The following SEC22B variants were observed in gnomAD, a reference collection of about 807,000 sequenced individuals.
SEC22B encodes vesicle-trafficking protein SEC22b.
A neutral mutation model predicts 31.4 loss-of-function variants in SEC22B; 10 were observed. The ratio of observed to expected loss-of-function variants is 0.32; its 90% CI spans 0.20 to 0.54. The LOEUF (loss-of-function observed/expected upper bound fraction) is 0.54. Among genes scored for constraint, SEC22B ranks in the 20% least tolerant of loss-of-function variants. The pLI, the probability that SEC22B is intolerant of heterozygous loss-of-function variation, is 0.94. For missense variants in SEC22B, 130 were observed against 263.4 expected, an observed-to-expected ratio of 0.49 and a Z score of 3.50; for synonymous variants, 60 against 95.9, an observed-to-expected ratio of 0.63 and a Z score of 2.19.
rs1185106982 is a variant in SEC22B, at chr1:120,151,968, A to G, written c.*5070T>C. 6.7e-6 allele frequency: 1 copy of G among 149,374 alleles called. No homozygotes were observed. The highest frequency in any genetic ancestry group is 1.5e-5 in the Non-Finnish European group (1 of 66,728). The allele number at this position is 149,374 out of a possible 1,614,324, so 9.3% of individuals were successfully genotyped here. A position where few individuals can be genotyped will look rare whatever the true frequency, so the allele number is the denominator to read the frequency against. On this transcript the variant is annotated 3_prime_UTR_variant, in exon 5 of 5. Coordinates refer to ENST00000578049, the MANE Select transcript of SEC22B (RefSeq NM_004892.6). Reference sequence around the variant, plus strand: ...ACGCTTAAATACTAGAAATATAAGAAGCAGCACAGGTTTGGTTTTATCTTT... The same window carrying G: ...ACGCTTAAATACTAGAAATATAAGAGGCAGCACAGGTTTGGTTTTATCTTT...
Position 120,176,449 on chromosome 1 carries a change from G to C in SEC22B, c.-68C>G. On this transcript the variant is annotated 5_prime_UTR_variant, in exon 1 of 5. Coordinates refer to ENST00000578049, the MANE Select transcript of SEC22B (RefSeq NM_004892.6). ...TGGCGCCGTCCTCACTTCCTCCGCC[G>C]CGACAACAGTTATACCCTATGTCTC... 7.2e-7 allele frequency: 1 copy of C among 1,390,696 alleles called. No individual in the cohort carries two copies. 86.1% of individuals were successfully genotyped at this position (1,390,696 alleles called of 1,614,324 possible).
At chr1:120,167,289 A>C (rs1657827763) in intron 2 of SEC22B, among the ~76,000 whole-genome samples, 1 of 151,824 alleles carries the variant, frequency 6.6e-6, no homozygotes, top group African/African-American at 2.4e-5. Flanking sequence ...CAGCCTTTCA[A>C]AACAAGTGTA....
chr1:120,167,847 T>G (rs1294103944), intron 2 of SEC22B, among the ~76,000 whole-genome samples: 1 of 152,264 alleles, frequency 6.6e-6, no homozygotes, highest in East Asian at 1.9e-4. Context: ...GTCTTGGTTC[T>G]CTAAACCATG....
rs1398682441 is a variant in SEC22B, at chr1:120,173,964, TACAA to T, written c.75+2339_75+2342del. Among the ~76,000 whole-genome samples the T allele has an allele frequency of 8.2e-5, 11 of 134,082 alleles. No individual in the cohort carries two copies. The South Asian group carries it at 1.3e-3, about 16-fold the overall frequency. 88.0% of individuals were successfully genotyped at this position (134,082 alleles called of 152,430 possible). The stretch of plus-strand genomic sequence containing the variant: ...ATGTCTAGAAATATTTTTGTCGTCA[TACAA>T]ACAAACAAAGTGGGGAAGGGTAGTG... On this transcript the variant is annotated intron_variant, in intron 1 of 4. Transcript: ENST00000578049.
chr1:120,153,338 T>C lies in SEC22B; in HGVS notation c.*3700A>G, dbSNP rs1266380610. On this transcript the variant is annotated 3_prime_UTR_variant, in exon 5 of 5. Transcript: ENST00000578049. ...TAACTAACCAAAAACCTTAATTGTA[T>C]GGCCATCAGCACCCTAGCCCTTTGT... 6.6e-6 allele frequency: 1 copy of C among 151,596 alleles called. No individual in the cohort carries two copies. Among genetic ancestry groups the C allele is most frequent in the Non-Finnish European group, 1.5e-5 (1 of 67,982 alleles). The allele number at this position is 151,596 out of a possible 1,614,324, so 9.4% of individuals were successfully genotyped here.
Position 120,163,314 on chromosome 1 carries a change from T to C in SEC22B, c.242A>G (p.Lys81Arg). The C allele has an allele frequency of 6.2e-7, 1 of 1,608,706 alleles. No individual in the cohort carries two copies. The highest frequency in any genetic ancestry group is 8.5e-7 in the Non-Finnish European group (1 of 1,176,960). ...TTCTAGGTAGGCAAAAGCCAACTTC[T>C]TAGGGAAGGCAGCTTCACATAAAAC... ...YLVLCEAAFP[K>R]KLAFAYLEDL... Residue 81 changes from lysine to arginine, a missense_variant, in exon 3 of 5, where the codon AAG becomes AGG. Lys to Arg is a conservative substitution (Grantham distance 26). This residue lies in a region of SEC22B where 41 missense variants were observed against 124.9 expected (regional missense o/e 0.33). Coordinates refer to ENST00000578049, the MANE Select transcript of SEC22B (RefSeq NM_004892.6).
In SEC22B at chr1:120,172,268, G is replaced by T. The variant is rs1414107320; in HGVS notation, c.76-3319C>A. 3.7e-4 allele frequency among the ~76,000 whole-genome samples: 35 copies of T among 93,788 alleles called. 3 individuals are homozygous for T. Among genetic ancestry groups the T allele is most frequent in the Non-Finnish European group, 2.9e-4 (15 of 52,508 alleles). The allele number at this position is 93,788 out of a possible 152,430, so 61.5% of individuals were successfully genotyped here. A position where few individuals can be genotyped will look rare whatever the true frequency, so the allele number is the denominator to read the frequency against. Reference sequence around the variant, plus strand: ...AAAAAAAAAAAAGAAAGGCAAGATGGAATTAGAAAAGATTCTTCAGAAATG... The same window carrying T: ...AAAAAAAAAAAAGAAAGGCAAGATGTAATTAGAAAAGATTCTTCAGAAATG... On this transcript the variant is annotated intron_variant, in intron 1 of 4. Coordinates refer to ENST00000578049, the MANE Select transcript of SEC22B (RefSeq NM_004892.6).
intron 1 of SEC22B, among the ~76,000 whole-genome samples, chr1:120,175,799 C>G (rs1657950726): frequency 6.6e-6 from 1 of 152,232 alleles, no homozygotes; most frequent in South Asian, 2.1e-4. Context: ...AAGGTGGGAA[C>G]TGGGGATAAT....
intron 2 of SEC22B, among the ~76,000 whole-genome samples, chr1:120,165,614 T>C (rs1285881503): frequency 1.3e-5 from 2 of 152,098 alleles, no homozygotes; most frequent in Non-Finnish European, 2.9e-5. Context: ...AGTAGGAGTT[T>C]GCAAATATTT....
At chr1:120,170,520 A>G (rs1657879111) in intron 1 of SEC22B, among the ~76,000 whole-genome samples, 1 of 151,556 alleles carries the variant, frequency 6.6e-6, no homozygotes, top group Non-Finnish European at 1.5e-5. Flanking sequence ...TAAGAATAAG[A>G]AGGTGAATAA....
At chr1:120,164,075 T>G (rs1411051165) in intron 2 of SEC22B, among the ~76,000 whole-genome samples, 1 of 139,490 alleles carries the variant, frequency 7.2e-6, no homozygotes, top group Non-Finnish European at 1.5e-5. Context: ...TTCTCACACC[T>G]CAGCTTCACA....
chr1:120,156,076 G>A lies in SEC22B; in HGVS notation c.*962C>T, dbSNP rs1657623343. On this transcript the variant is annotated 3_prime_UTR_variant, in exon 5 of 5. Coordinates refer to ENST00000578049, the MANE Select transcript of SEC22B (RefSeq NM_004892.6). ...TCCTAAGAGGATGTCTACAGGATAT[G>A]AAACTACTGGGTGCAGGAAAATTTT... 1 of 152,168 alleles carries A rather than the reference G, an allele frequency of 6.6e-6. No individual in the cohort carries two copies. The highest frequency in any genetic ancestry group is 1.9e-4 in the East Asian group (1 of 5,194). The allele number at this position is 152,168 out of a possible 1,614,324, so 9.4% of individuals were successfully genotyped here. A position where few individuals can be genotyped will look rare whatever the true frequency, so the allele number is the denominator to read the frequency against.
At chr1:120,170,932 C>A (rs1211796622) in intron 1 of SEC22B, among the ~76,000 whole-genome samples, 2 of 129,010 alleles carry the variant, frequency 1.6e-5, no homozygotes, top group East Asian at 2.1e-4. Flanking sequence ...AAAAAGCATG[C>A]AAATTTCTTT....
chr1:120,153,619 T>G lies in SEC22B; in HGVS notation c.*3419A>C, dbSNP rs2802163. ...AATATTATTTGATATGAAATTTTTT[T>G]GGTACACACAATTTTTCAAAAATAT... On this transcript the variant is annotated 3_prime_UTR_variant, in exon 5 of 5. Coordinates refer to ENST00000578049, the MANE Select transcript of SEC22B (RefSeq NM_004892.6). 2.9e-5 allele frequency: 4 copies of G among 136,656 alleles called. No individual in the cohort carries two copies. In the South Asian group the frequency reaches 7.1e-4, roughly 24 times the overall value. 8.5% of individuals were successfully genotyped at this position (136,656 alleles called of 1,614,324 possible). A position where few individuals can be genotyped will look rare whatever the true frequency, so the allele number is the denominator to read the frequency against.
intron 3 of SEC22B, among the ~76,000 whole-genome samples, chr1:120,161,750 A>G (rs1378131021): frequency 1.3e-5 from 2 of 152,122 alleles, no homozygotes; most frequent in South Asian, 4.2e-4. Flanking sequence ...TCTTTTGCTC[A>G]TATCAGTATT....
At chr1:120,169,686 T>TA (rs2101131710) in intron 1 of SEC22B, among the ~76,000 whole-genome samples, 1 of 147,668 alleles carries the variant, frequency 6.8e-6, no homozygotes, top group East Asian at 2.0e-4. Context: ...GCAAATCTAC[T>TA]GGAAAAACCA....
chr1:120,169,097 C>T (rs1657855061), intron 1 of SEC22B, 148 bp from the exon 2 acceptor site: 1 of 381,250 alleles, frequency 2.6e-6, no homozygotes, highest in Non-Finnish European at 4.7e-6. Context: ...AACCTACTTT[C>T]AGAGTACAGA....
intron 2 of SEC22B, among the ~76,000 whole-genome samples, chr1:120,163,631 A>T (rs1271025572): frequency 4.7e-5 from 7 of 148,784 alleles, no homozygotes; most frequent in Admixed American, 2.7e-4. Context: ...GCTGGAGTGC[A>T]GTGGCATTAT....
intron 2 of SEC22B, among the ~76,000 whole-genome samples, chr1:120,163,948 T>C (rs1326048706): frequency 9.2e-4 from 124 of 134,552 alleles, no homozygotes; most frequent in African/African-American, 3.5e-3. Flanking sequence ...AGATTCTCTT[T>C]TTTTTTTTTT....
Sources: allele counts gnomAD v4.1 joint callset (sites outside exome capture counted in the v4.1 genomes callset), GRCh38; gene constraint gnomAD v4.1.1; regional missense constraint gnomAD v4.1.1; transcripts MANE v1.5; gene names NCBI Gene and HGNC (gene_info 2026-07-23, HGNC 2026-07-21).